The following VCL variants were observed in gnomAD, a reference collection of about 807,000 sequenced individuals.
VCL encodes vinculin, also known as epididymis luminal protein 114.
VCL carries 47 observed loss-of-function variants against 125.7 expected under a neutral mutation model. The ratio of observed to expected loss-of-function variants is 0.37; its 90% CI spans 0.30 to 0.48. The LOEUF (loss-of-function observed/expected upper bound fraction) is 0.48. Among genes scored for constraint, VCL ranks in the 20% least tolerant of loss-of-function variants. The probability of loss-of-function intolerance (pLI) is 0.99; values close to 1 mark genes in which losing one functional copy is unlikely to be tolerated. For missense variants in VCL, 1,069 were observed against 1,455.5 expected (o/e 0.73, Z 4.32); for synonymous variants, 458 against 514.6 (o/e 0.89, Z 1.49).
chr10:74,059,392 C>A (rs1353445191), intron 2 of VCL, among the ~76,000 whole-genome samples: 2 of 151,424 alleles, frequency 1.3e-5, no homozygotes, highest in Non-Finnish European at 3.0e-5. Context: ...AAATCTCCTC[C>A]TGCTTTTGCA....
intron 2 of VCL, among the ~76,000 whole-genome samples, chr10:74,048,272 C>T (rs1262278737): frequency 2.6e-5 from 4 of 151,992 alleles, no homozygotes; most frequent in African/African-American, 9.7e-5. Flanking sequence ...AGTTCAAAAC[C>T]AGCCTGGCCA....
rs373324529 is a variant in VCL, at chr10:74,026,628, C to A, written c.169-16455C>A. ...AAAAAGGGACTAATGTTTATTTAGC[C>A]CTTGTTATCTACCAGGCCCTATTCT... On this transcript the variant is annotated intron_variant, in intron 1 of 21. Transcript: ENST00000211998. 7.2e-5 allele frequency among the ~76,000 whole-genome samples: 11 copies of A among 152,216 alleles called. No individual in the cohort carries two copies. In the South Asian group the frequency reaches 2.3e-3, roughly 32 times the overall value.
At chr10:74,104,877 T>C (rs770136365) in intron 15 of VCL, 174 bp from the exon 16 acceptor site, 3 of 758,748 alleles carry the variant, frequency 4.0e-6, no homozygotes, top group Non-Finnish European at 6.3e-6. Context: ...TCCTCACTGT[T>C]TTTTTTAACT....
chr10:74,117,217 G>C (rs1480534946), intron 21 of VCL, among the ~76,000 whole-genome samples: 1 of 151,926 alleles, frequency 6.6e-6, no homozygotes, highest in African/African-American at 2.4e-5. Context: ...AAATACTGGG[G>C]GTATGACAGT....
chr10:74,025,232 G>T (rs1840748947), intron 1 of VCL, among the ~76,000 whole-genome samples: 2 of 151,992 alleles, frequency 1.3e-5, no homozygotes, highest in African/African-American at 4.8e-5. Flanking sequence ...TGGCCTGGCT[G>T]GTTCAAACTC....
At chr10:73,998,554 C>T (rs1840161550) in intron 1 of VCL, among the ~76,000 whole-genome samples, 179 bp downstream of exon 1, 1 of 152,234 alleles carries the variant, frequency 6.6e-6, no homozygotes, top group South Asian at 2.1e-4. Flanking sequence ...GAGTCCTGAG[C>T]CTCTCCGGGC....
intron 1 of VCL, among the ~76,000 whole-genome samples, chr10:74,001,230 TG>T (rs982434010): frequency 6.6e-6 from 1 of 152,228 alleles, no homozygotes; most frequent in Non-Finnish European, 1.5e-5. Context: ...TTCACATTCT[TG>T]GTGCCAACTG....
rs1448159743 is a variant in VCL at position 74,071,689 on chromosome 10, A to C, written c.499+606A>C. On this transcript the variant is annotated intron_variant, in intron 4 of 21. Transcript: ENST00000211998. The surrounding 1 kb of genome is among the most constrained non-coding windows in gnomAD (Gnocchi z 4.1). ...TTAAAGTATGAATGAGACCAATGAC[A>C]AGATATGTTAGATGTTTAACCTGCT... 2.0e-5 allele frequency among the ~76,000 whole-genome samples: 3 copies of C among 152,244 alleles called. No homozygotes were observed. The highest frequency in any genetic ancestry group is 2.9e-5 in the Non-Finnish European group (2 of 68,048).
intron 12 of VCL, 64 bp downstream of exon 12, chr10:74,095,919 G>A (rs1839961444): frequency 6.4e-7 from 1 of 1,572,084 alleles, no homozygotes; most frequent in South Asian, 1.1e-5. Context: ...GACGAGGGAA[G>A]GAAGAGAGAG....
At chr10:74,008,965 A>T (rs1349704388) in intron 1 of VCL, among the ~76,000 whole-genome samples, 1 of 152,166 alleles carries the variant, frequency 6.6e-6, no homozygotes, top group Non-Finnish European at 1.5e-5. Flanking sequence ...AGCTTCAACA[A>T]CTTTCAGTGC....
rs1448074231 is a variant in VCL at position 74,043,256 on chromosome 10, T to A, written c.239+103T>A. ...ACAACTTTTTTTTGGTATAAAACTT[T>A]TGTTTACAATTGAAATTTCAACTTT... On this transcript the variant is annotated intron_variant, in intron 2 of 21. Transcript: ENST00000211998. 6 of 1,039,374 alleles carry A rather than the reference T, an allele frequency of 5.8e-6. No individual in the cohort carries two copies. In the African/African-American group the frequency reaches 9.6e-5, roughly 17 times the overall value. The allele number at this position is 1,039,374 out of a possible 1,614,324, so 64.4% of individuals were successfully genotyped here.
chr10:74,068,520 T>C (rs1239265333), intron 2 of VCL, among the ~76,000 whole-genome samples: 1 of 152,180 alleles, frequency 6.6e-6, no homozygotes, highest in African/African-American at 2.4e-5. Context: ...AGATAGAGTT[T>C]CACCATGTTG....
intron 1 of VCL, among the ~76,000 whole-genome samples, chr10:73,999,870 A>G (rs1840194863): frequency 6.6e-6 from 1 of 152,194 alleles, no homozygotes; most frequent in Non-Finnish European, 1.5e-5. Flanking sequence ...ACTAATTTGA[A>G]CAGAACACTC....
chr10:74,049,994 T>A (rs761168281), intron 2 of VCL, among the ~76,000 whole-genome samples: 1 of 152,230 alleles, frequency 6.6e-6, no homozygotes, highest in Non-Finnish European at 1.5e-5. Context: ...TTCATTCTTA[T>A]TTCTGCAATG....
chr10:74,031,777 G>T (rs941877734), intron 1 of VCL, among the ~76,000 whole-genome samples: 2 of 151,686 alleles, frequency 1.3e-5, no homozygotes, highest in Non-Finnish European at 2.9e-5. Flanking sequence ...AAAATTAGCC[G>T]AGTGTGGCCC....
chr10:74,118,476 C>A lies in VCL; in HGVS notation c.*307C>A. 2 of 414,422 alleles carry A rather than the reference C, an allele frequency of 4.8e-6. No individual in the cohort carries two copies. The highest frequency in any genetic ancestry group is 4.5e-6 in the Non-Finnish European group (1 of 220,288). The allele number at this position is 414,422 out of a possible 1,614,324, so 25.7% of individuals were successfully genotyped here. A position where few individuals can be genotyped will look rare whatever the true frequency, so the allele number is the denominator to read the frequency against. On this transcript the variant is annotated 3_prime_UTR_variant, in exon 22 of 22. Transcript: ENST00000211998. ...CATAAGCTCAGAATCCAAGTGAACA[C>A]TAGCCAGACACTCTGCTCTGCCCTT...
intron 6 of VCL, 125 bp from the exon 7 acceptor site, chr10:74,082,329 A>G (rs1196705456): frequency 3.3e-6 from 3 of 907,572 alleles, no homozygotes; most frequent in South Asian, 2.8e-5. Flanking sequence ...AATATTTTTA[A>G]GGCCTTCGTA....
chr10:74,024,282 C>G (rs1840729167), intron 1 of VCL, among the ~76,000 whole-genome samples: 1 of 152,004 alleles, frequency 6.6e-6, no homozygotes, highest in South Asian at 2.1e-4. Flanking sequence ...CTCCAATTAG[C>G]AAGCAGAATG....
chr10:74,021,931 A>G (rs1840676219), intron 1 of VCL, among the ~76,000 whole-genome samples: 1 of 151,360 alleles, frequency 6.6e-6, no homozygotes, highest in Non-Finnish European at 1.5e-5. Context: ...GCTGATTGTT[A>G]TCTTCTAATC....
Sources: gnomAD v4.1 joint callset for allele counts (sites outside exome capture counted in the v4.1 genomes callset) on GRCh38, gnomAD v4.1.1 for gene constraint, Gnocchi (gnomAD v3.1) non-coding constraint, MANE v1.5 for transcripts, NCBI Gene and HGNC (gene_info 2026-07-23, HGNC 2026-07-21) for gene names.